Variants in DEPDC1B observed in about 807,000 individuals in gnomAD.
The protein encoded by DEPDC1B is DEP domain-containing protein 1B.
In DEPDC1B, 51 loss-of-function variants were observed where a neutral mutation model predicts 66.5. The ratio of observed to expected loss-of-function variants is 0.77; its 90% CI spans 0.61 to 0.97. The LOEUF (loss-of-function observed/expected upper bound fraction) is 0.97. Ranked by LOEUF, DEPDC1B falls within the 50% of genes least tolerant of loss-of-function variation. The probability of loss-of-function intolerance (pLI) is 0.00; values close to 1 mark genes in which losing one functional copy is unlikely to be tolerated. For missense variants in DEPDC1B, 552 were observed against 637.1 expected, an observed-to-expected ratio of 0.87 and a Z score of 1.44; for synonymous variants, 226 against 223.6, an observed-to-expected ratio of 1.01 and a Z score of -0.10.
Position 60,603,396 on chromosome 5 carries a change from C to A in DEPDC1B, c.1237G>T (p.Val413Phe). The change falls in exon 9 of 11, where the codon GTC becomes TTC. Residue 413 changes from valine to phenylalanine, a missense_variant. By Grantham distance (50) the Val-to-Phe change is conservative. Transcript: ENST00000265036. ...GATAATATCCTCTCCTTTACCTGGA[C>A]TCTTCGTAGATGAGCCACACGCTCC... ...IEERVAHLRR[V>F]QIKYPGADMD... is the part of the protein sequence containing the mutation. 1 of 1,568,906 alleles carries A rather than the reference C, an allele frequency of 6.4e-7. No individual in the cohort carries two copies. Among genetic ancestry groups the A allele is most frequent in the Non-Finnish European group, 8.6e-7 (1 of 1,164,542 alleles).
chr5:60,653,727 T>TTCATGTGTTTGTGGTCTATCTTGGAGA (rs1347538333), intron 2 of DEPDC1B, among the ~76,000 whole-genome samples: 10 of 150,556 alleles, frequency 6.6e-5, no homozygotes, highest in South Asian at 4.3e-4. Context: ...CTGCGATTTT[T>TTCATGTGTTTGTGGTCTATCTTGGAGA]ATGATTTCAG....
intron 2 of DEPDC1B, among the ~76,000 whole-genome samples, chr5:60,684,991 C>T (rs1754380274): frequency 6.6e-6 from 1 of 152,144 alleles, no homozygotes; most frequent in Admixed American, 6.5e-5. Context: ...CATCACTAAT[C>T]ATGAGGGTAA....
intron 2 of DEPDC1B, among the ~76,000 whole-genome samples, chr5:60,657,275 T>A (rs1280328573): frequency 6.6e-6 from 1 of 152,220 alleles, no homozygotes; most frequent in East Asian, 1.9e-4. Flanking sequence ...AAGTGGAGCA[T>A]TTAGGCCATT....
chr5:60,696,666 C>A (rs1004774268), intron 1 of DEPDC1B, among the ~76,000 whole-genome samples: 2 of 151,912 alleles, frequency 1.3e-5, no homozygotes, highest in African/African-American at 4.8e-5. Flanking sequence ...ACAAATGGAA[C>A]AAAACAGATT....
intron 7 of DEPDC1B, among the ~76,000 whole-genome samples, chr5:60,631,173 G>A (rs1752916339): frequency 6.6e-6 from 1 of 152,136 alleles, no homozygotes; most frequent in Non-Finnish European, 1.5e-5. Flanking sequence ...CCTTATTTGA[G>A]GTCAAGGTAG....
chr5:60,604,198 T>C (rs973033442), intron 8 of DEPDC1B, among the ~76,000 whole-genome samples: 3 of 145,394 alleles, frequency 2.1e-5, no homozygotes, highest in Non-Finnish European at 4.5e-5. Flanking sequence ...ATAATTTCCA[T>C]AGAATTGAAA....
At chr5:60,671,708 T>C (rs1462895136) in intron 2 of DEPDC1B, among the ~76,000 whole-genome samples, 1 of 152,206 alleles carries the variant, frequency 6.6e-6, no homozygotes, top group Non-Finnish European at 1.5e-5. Context: ...ACCCCTGGCA[T>C]TAAATCTCTT....
intron 10 of DEPDC1B, among the ~76,000 whole-genome samples, chr5:60,598,477 T>C (rs1752138527): frequency 6.6e-6 from 1 of 152,246 alleles, no homozygotes; most frequent in Non-Finnish European, 1.5e-5. Context: ...TCCAACTATG[T>C]AGAGTTCAGT....
intron 3 of DEPDC1B, among the ~76,000 whole-genome samples, chr5:60,646,744 C>T (rs1184328196): frequency 6.6e-6 from 1 of 152,236 alleles, no homozygotes; most frequent in Non-Finnish European, 1.5e-5. Context: ...AGTGAAGCTT[C>T]ATCTGTATTT....
At chr5:60,604,365 C>A (rs568185273) in intron 8 of DEPDC1B, among the ~76,000 whole-genome samples, 1 of 151,164 alleles carries the variant, frequency 6.6e-6, no homozygotes, top group Non-Finnish European at 1.5e-5. Flanking sequence ...GGATTACAGG[C>A]GCCTGCCACC....
chr5:60,654,406 G>A (rs1301793408), intron 2 of DEPDC1B, among the ~76,000 whole-genome samples: 1 of 146,602 alleles, frequency 6.8e-6, no homozygotes, highest in Non-Finnish European at 1.5e-5. Flanking sequence ...AAGGAATTGA[G>A]TTATTGATTT....
At chr5:60,665,896 C>T (rs890061893) in intron 2 of DEPDC1B, among the ~76,000 whole-genome samples, 3 of 152,152 alleles carry the variant, frequency 2.0e-5, no homozygotes, top group Non-Finnish European at 4.4e-5. Flanking sequence ...TCATATATCG[C>T]CTTAGAGCAC....
intron 7 of DEPDC1B, among the ~76,000 whole-genome samples, chr5:60,619,089 C>G (rs953407035): frequency 6.6e-6 from 1 of 152,184 alleles, no homozygotes; most frequent in Non-Finnish European, 1.5e-5. Context: ...ATTTCAACAG[C>G]CCTTCATGCT....
At chr5:60,624,239 G>A (rs564887508) in intron 7 of DEPDC1B, among the ~76,000 whole-genome samples, 9 of 152,132 alleles carry the variant, frequency 5.9e-5, no homozygotes, top group East Asian at 5.8e-4. Context: ...TTCTGCAATC[G>A]TTGAGATGGT....
At chr5:60,672,180 C>A (rs1213354723) in intron 2 of DEPDC1B, among the ~76,000 whole-genome samples, 1 of 152,214 alleles carries the variant, frequency 6.6e-6, no homozygotes, top group East Asian at 1.9e-4. Flanking sequence ...ATAGCCTTCA[C>A]CAGGGTAAAA....
chr5:60,614,485 G>A (rs1752492635), intron 7 of DEPDC1B, among the ~76,000 whole-genome samples: 1 of 151,994 alleles, frequency 6.6e-6, no homozygotes, highest in South Asian at 2.1e-4. Flanking sequence ...CCAACACCCT[G>A]CTAATCCATT....
chr5:60,653,493 G>C (rs1753503320), intron 2 of DEPDC1B, among the ~76,000 whole-genome samples: 1 of 152,102 alleles, frequency 6.6e-6, no homozygotes, highest in Non-Finnish European at 1.5e-5. Context: ...CGTACATTGT[G>C]GATATTAGTC....
chr5:60,612,390 T>A (rs1401441042), intron 7 of DEPDC1B, among the ~76,000 whole-genome samples: 1 of 147,634 alleles, frequency 6.8e-6, no homozygotes, highest in Non-Finnish European at 1.5e-5. Flanking sequence ...GCCGCTGCAC[T>A]CCAGCCTGGG....
intron 7 of DEPDC1B, among the ~76,000 whole-genome samples, chr5:60,612,727 C>CTTTG (rs1752448908): frequency 6.9e-6 from 1 of 144,210 alleles, no homozygotes; most frequent in African/African-American, 2.5e-5. Context: ...AAAAAAAGGT[C>CTTTG]TTTGGACTGT....
Sources: allele counts gnomAD v4.1 joint callset (sites outside exome capture counted in the v4.1 genomes callset), GRCh38; gene constraint gnomAD v4.1.1; transcripts MANE v1.5; gene names NCBI Gene and HGNC (gene_info 2026-07-23, HGNC 2026-07-21).